The following FOXO1 variants were observed in gnomAD, a reference collection of about 807,000 sequenced individuals.
The protein encoded by FOXO1 is forkhead box protein O1.
FOXO1 carries 6 observed loss-of-function variants against 44.1 expected under a neutral mutation model. The ratio of observed to expected loss-of-function variants is 0.14; its 90% confidence interval spans 0.07 to 0.27. The LOEUF (loss-of-function observed/expected upper bound fraction) is 0.27, where lower values mean the gene tolerates loss of function less well. Among genes scored for constraint, FOXO1 ranks in the 10% least tolerant of loss-of-function variants. FOXO1 has a pLI of 1.00. For missense variants in FOXO1, 737 were observed against 888.8 expected, an observed-to-expected ratio of 0.83 and a Z score of 2.17; for synonymous variants, 380 against 362.7, an observed-to-expected ratio of 1.05 and a Z score of -0.54.
At chr13:40,628,900 GTGAGACCACC>G (rs1270458822) in intron 1 of FOXO1, among the ~76,000 whole-genome samples, 10 of 152,168 alleles carry the variant, frequency 6.6e-5, no homozygotes, top group Non-Finnish European at 1.3e-4. Context: ...CAGACAAACT[GTGAGACCACC>G]TATGGCCTAC....
At chr13:40,641,872 G>A (rs911029286) in intron 1 of FOXO1, among the ~76,000 whole-genome samples, 1 of 152,130 alleles carries the variant, frequency 6.6e-6, no homozygotes, top group Non-Finnish European at 1.5e-5. Flanking sequence ...TGTAATCCCA[G>A]CTACTTGGGA....
At chr13:40,615,045 A>C (rs1288227297) in intron 1 of FOXO1, among the ~76,000 whole-genome samples, 1 of 152,246 alleles carries the variant, frequency 6.6e-6, no homozygotes, top group Non-Finnish European at 1.5e-5. Context: ...CCAGTAAGGC[A>C]GAAAAGCACA....
At chr13:40,610,315 T>C (rs1171449095) in intron 1 of FOXO1, among the ~76,000 whole-genome samples, 1 of 152,202 alleles carries the variant, frequency 6.6e-6, no homozygotes, top group Non-Finnish European at 1.5e-5. Context: ...ATCTGTCTAT[T>C]TGGCACCATC....
chr13:40,643,348 A>C (rs1031307806), intron 1 of FOXO1, among the ~76,000 whole-genome samples: 1 of 92,424 alleles, frequency 1.1e-5, no homozygotes, highest in African/African-American at 3.8e-5. Flanking sequence ...TCTCAAAAAG[A>C]AAAAAAAAAA....
rs1878258590 is a variant in FOXO1, at chr13:40,666,393, AACTT to A, written c.-185_-182del. 1 of 472,204 alleles carries A rather than the reference AACTT, an allele frequency of 2.1e-6. No homozygotes were observed. The allele number at this position is 472,204 out of a possible 1,614,324, so 29.3% of individuals were successfully genotyped here. ...GAGTGGAAGCGCGAGCCCAGAACTT[AACTT>A]CGCGGGGCCATCCACATCGAGGCTC... On this transcript the variant is annotated 5_prime_UTR_variant, in exon 1 of 3. It removes the in-frame stop codon of an upstream open reading frame in the 5' UTR. Coordinates refer to ENST00000379561, the MANE Select transcript of FOXO1 (RefSeq NM_002015.4).
intron 1 of FOXO1, among the ~76,000 whole-genome samples, chr13:40,577,900 T>C (rs990227650): frequency 6.6e-6 from 1 of 152,152 alleles, no homozygotes; most frequent in African/African-American, 2.4e-5. Context: ...GTTTCAGATA[T>C]CAATGCAAAA....
intron 1 of FOXO1, among the ~76,000 whole-genome samples, chr13:40,567,967 T>TA (rs57290980): frequency 0.05 from 7,373 of 148,332 alleles, 584 homozygotes; most frequent in East Asian, 0.4. Context: ...GACTCCGTCT[T>TA]AAAAAAAAAA....
At position 40,556,342 on chromosome 13, in the gene FOXO1, A is replaced by G. The variant is rs1220332393; in HGVS notation, c.*2707T>C. ...CAAAGCAGAACTTTCCAAGTAATAC[A>G]TCTATTACCTAAATATATTCCATAC... On this transcript the variant is annotated 3_prime_UTR_variant, in exon 3 of 3. Coordinates refer to ENST00000379561, the MANE Select transcript of FOXO1 (RefSeq NM_002015.4). 6.6e-6 allele frequency: 1 copy of G among 152,664 alleles called. No homozygotes were observed. The highest frequency in any genetic ancestry group is 1.5e-5 in the Non-Finnish European group (1 of 68,052). 9.5% of individuals were successfully genotyped at this position (152,664 alleles called of 1,614,324 possible).
intron 1 of FOXO1, among the ~76,000 whole-genome samples, chr13:40,582,484 A>G (rs1418411600): frequency 6.6e-6 from 1 of 152,334 alleles, no homozygotes; most frequent in Middle Eastern, 3.4e-3. Context: ...GTTTGATAGC[A>G]TTTTACTCAC....
At chr13:40,574,422 T>C (rs1408467834) in intron 1 of FOXO1, among the ~76,000 whole-genome samples, 1 of 152,206 alleles carries the variant, frequency 6.6e-6, no homozygotes, top group Non-Finnish European at 1.5e-5. Context: ...GAAGATTAAA[T>C]GAGAACATGT....
intron 1 of FOXO1, among the ~76,000 whole-genome samples, chr13:40,622,874 T>C (rs568024221): frequency 1.3e-5 from 2 of 152,310 alleles, no homozygotes; most frequent in East Asian, 3.9e-4. Flanking sequence ...AAGAAGAGTG[T>C]CCTGCTCTGT....
intron 1 of FOXO1, among the ~76,000 whole-genome samples, chr13:40,563,667 A>C (rs2755209): frequency 0.46 from 70,143 of 151,794 alleles, 17,060 homozygotes; most frequent in East Asian, 0.76. Flanking sequence ...GGCTTAGAGT[A>C]GGTACAAGAA....
At chr13:40,635,362 AG>A (rs1877111789) in intron 1 of FOXO1, among the ~76,000 whole-genome samples, 1 of 152,148 alleles carries the variant, frequency 6.6e-6, no homozygotes, top group South Asian at 2.1e-4. Flanking sequence ...CTTAACATTT[AG>A]GGGAAAAAAA....
At chr13:40,592,316 A>C (rs947492833) in intron 1 of FOXO1, among the ~76,000 whole-genome samples, 2 of 152,198 alleles carry the variant, frequency 1.3e-5, no homozygotes, top group Admixed American at 1.3e-4. Flanking sequence ...ACTTCATCAA[A>C]ACTCAGGACA....
chr13:40,624,319 A>T (rs1366281479), intron 1 of FOXO1, among the ~76,000 whole-genome samples: 2 of 74,412 alleles, frequency 2.7e-5, no homozygotes, highest in Admixed American at 1.2e-4. Context: ...ATACTGCTTA[A>T]AAAAAAAAAA....
In FOXO1 at chr13:40,658,667, T is replaced by C. The variant is rs577502971; in HGVS notation, c.630+6916A>G. Among the ~76,000 whole-genome samples, 26 of 152,258 alleles carry C rather than the reference T, an allele frequency of 1.7e-4. 1 individual carries two copies. Among genetic ancestry groups the C allele is most frequent in the South Asian group, 1.0e-3 (5 of 4,816 alleles). On this transcript the variant is annotated intron_variant, in intron 1 of 2. Coordinates refer to ENST00000379561, the MANE Select transcript of FOXO1 (RefSeq NM_002015.4). ...GAGAAGCCAGATGGCAGGAGGACCA[T>C]TGTAATGGAATCCAAGATAAGAAAC...
At chr13:40,603,313 C>T in intron 1 of FOXO1, among the ~76,000 whole-genome samples, 1 of 137,330 alleles carries the variant, frequency 7.3e-6, no homozygotes, top group Non-Finnish European at 1.5e-5. Flanking sequence ...AATCTCAATC[C>T]AATCCAAACC....
At chr13:40,643,175 C>A (rs1877407028) in intron 1 of FOXO1, among the ~76,000 whole-genome samples, 1 of 151,884 alleles carries the variant, frequency 6.6e-6, no homozygotes. Context: ...AACCCCGTCT[C>A]TACTAAAAAT....
intron 1 of FOXO1, among the ~76,000 whole-genome samples, chr13:40,599,477 G>T (rs769892797): frequency 2.1e-4 from 32 of 152,310 alleles, no homozygotes; most frequent in Admixed American, 5.2e-4. Context: ...GTGTACAGCT[G>T]GACGAAGTTT....
Sources: allele counts gnomAD v4.1 joint callset (sites outside exome capture counted in the v4.1 genomes callset), GRCh38; gene constraint gnomAD v4.1.1; transcripts MANE v1.5; gene names NCBI Gene and HGNC (gene_info 2026-07-23, HGNC 2026-07-21).